The following CLEC9A variants were observed in gnomAD, a reference collection of about 807,000 sequenced individuals.
CLEC9A encodes the protein C-type lectin domain containing 9A.
CLEC9A carries 24 observed loss-of-function variants against 30.0 expected under a neutral mutation model. That is an observed-to-expected ratio of 0.80 (90% CI 0.58 to 1.13). The LOEUF is 1.13. Ranked by LOEUF, CLEC9A falls within the 50% of genes most tolerant of loss-of-function variation. The probability of loss-of-function intolerance (pLI) is 0.00; values close to 1 mark genes in which losing one functional copy is unlikely to be tolerated. For missense variants in CLEC9A, 251 were observed against 280.9 expected (o/e 0.89, Z 0.76); for synonymous variants, 111 against 96.8 (o/e 1.15, Z -0.86).
At chr12:10,044,988 C>G (rs778897395) in intron 2 of CLEC9A, among the ~76,000 whole-genome samples, 32 of 152,204 alleles carry the variant, frequency 2.1e-4, no homozygotes, top group Non-Finnish European at 3.7e-4. Context: ...ATACAGCATG[C>G]TGTCTTAGAT....
chr12:10,060,022 G>A (rs1019363799), intron 5 of CLEC9A, among the ~76,000 whole-genome samples: 1 of 152,218 alleles, frequency 6.6e-6, no homozygotes, highest in Non-Finnish European at 1.5e-5. Flanking sequence ...TACATAATCA[G>A]CATGGCTAAA....
At chr12:10,051,879 T>A (rs10505750) in intron 2 of CLEC9A, 112 bp from the exon 3 acceptor site, 1 of 152,186 alleles carries the variant, frequency 6.6e-6, no homozygotes, top group African/African-American at 2.4e-5. Flanking sequence ...AGCTCAAACC[T>A]TATGTCCAAA....
In CLEC9A at chr12:10,052,715, C is replaced by T; in HGVS notation, c.28C>T (p.Leu10Phe). 2 of 1,614,014 alleles carry T rather than the reference C, an allele frequency of 1.2e-6. No individual in the cohort carries two copies. Among genetic ancestry groups the T allele is most frequent in the South Asian group, 1.1e-5 (1 of 91,080 alleles). ...GCACGAGGAAGAAATATACACCTCT[C>T]TTCAGTGGGATAGCCCAGCACCAGA... MHEEEIYTS[L>F]QWDSPAPDTY... The change falls in exon 4 of 9, where the codon CTT (leucine) becomes TTT (phenylalanine). Residue 10 changes from leucine (L) to phenylalanine (F), a missense_variant. Leu to Phe is a conservative substitution (Grantham distance 22, BLOSUM62 0). Transcript: ENST00000355819.
chr12:10,046,502 A>G (rs2089700099), intron 2 of CLEC9A, among the ~76,000 whole-genome samples: 1 of 152,252 alleles, frequency 6.6e-6, no homozygotes, highest in South Asian at 2.1e-4. Context: ...TGCTTTATTT[A>G]GGTCTTTTCC....
intron 5 of CLEC9A, among the ~76,000 whole-genome samples, chr12:10,057,604 AT>A (rs1865954378): frequency 6.6e-6 from 1 of 151,894 alleles, no homozygotes; most frequent in Non-Finnish European, 1.5e-5. Flanking sequence ...GTTATGCAAT[AT>A]TTTCTCACGA....
chr12:10,052,014 T>C lies in CLEC9A; in HGVS notation c.-139T>C, dbSNP rs530141005. The C allele has an allele frequency of 6.6e-6, 1 of 152,350 alleles. No individual in the cohort carries two copies. The highest frequency in any genetic ancestry group is 2.4e-5 in the African/African-American group (1 of 41,588). 9.4% of individuals were successfully genotyped at this position (152,350 alleles called of 1,614,324 possible). A position where few individuals can be genotyped will look rare whatever the true frequency, so the allele number is the denominator to read the frequency against. On this transcript the variant is annotated 5_prime_UTR_variant, in exon 3 of 9. It removes an upstream start codon present in the reference 5' UTR. Coordinates refer to ENST00000355819, the MANE Select transcript of CLEC9A (RefSeq NM_207345.4). The stretch of plus-strand genomic sequence containing the variant: ...AGTGGATAGAAGTCAAGGGCTCCAA[T>C]GTCTCCCAAGACGAAAGAATCCCAA...
chr12:10,045,242 C>T (rs933787147), intron 2 of CLEC9A, among the ~76,000 whole-genome samples: 4 of 152,134 alleles, frequency 2.6e-5, no homozygotes, highest in East Asian at 1.9e-4. Flanking sequence ...CTTTGGGGCT[C>T]CTATTGTACT....
chr12:10,054,445 G>A, intron 5 of CLEC9A, 94 bp downstream of exon 5: 1 of 778,188 alleles, frequency 1.3e-6, no homozygotes, highest in East Asian at 2.8e-5. Flanking sequence ...ATATGTGAAT[G>A]CACATAAATG....
Position 10,052,654 on chromosome 12 carries a change from G to C in CLEC9A, c.-34G>C. 1 of 1,611,278 alleles carries C rather than the reference G, an allele frequency of 6.2e-7. No individual in the cohort carries two copies. The highest frequency in any genetic ancestry group is 8.5e-7 in the Non-Finnish European group (1 of 1,178,676). ...GAGGAGTTACTTGTTCCAGCCTCCT[G>C]TGTGGACTGCTTTCCTATCAAAGCA... is the stretch of plus-strand genomic sequence containing the variant. On this transcript the variant is annotated 5_prime_UTR_variant, in exon 4 of 9. Coordinates refer to ENST00000355819, the MANE Select transcript of CLEC9A (RefSeq NM_207345.4).
chr12:10,061,955 T>C (rs1007514376), intron 6 of CLEC9A, among the ~76,000 whole-genome samples: 1 of 152,216 alleles, frequency 6.6e-6, no homozygotes, highest in African/African-American at 2.4e-5. Context: ...ACATCAACCA[T>C]AGTTCCTTCT....
Position 10,065,619 on chromosome 12 carries a change from G to A in CLEC9A, c.713G>A (p.Arg238Lys), listed in dbSNP as rs140422016. ...KYFICEKYALRSSV is the reference protein window; with the variant it reads ...KYFICEKYALKSSV ...TTTATCTGTGAGAAGTATGCGTTGA[G>A]ATCCTCTGTCTGAAAGAAATTGTGT... Residue 238 changes from arginine to lysine, a missense_variant, in exon 9 of 9, where the codon AGA becomes AAA. Transcript: ENST00000355819. 3.6e-4 allele frequency: 584 copies of A among 1,613,602 alleles called. 4 individuals are homozygous for A. In the African/African-American group the frequency reaches 6.5e-3, roughly 18 times the overall value.
intron 5 of CLEC9A, among the ~76,000 whole-genome samples, chr12:10,057,862 T>G (rs542916954): frequency 6.6e-6 from 1 of 152,284 alleles, no homozygotes; most frequent in East Asian, 1.9e-4. Context: ...TTAAAAAATC[T>G]ATAGTTCAAA....
intron 1 of CLEC9A, among the ~76,000 whole-genome samples, chr12:10,038,906 G>A (rs1865766944): frequency 6.6e-6 from 1 of 152,246 alleles, no homozygotes; most frequent in African/African-American, 2.4e-5. Flanking sequence ...AGCTTGGAGA[G>A]GTAAAGTCCA....
In CLEC9A at chr12:10,033,382, T is replaced by C. The variant is rs76876271; in HGVS notation, c.-318+2410T>C. ...AACCTCATGACTTAATAGCCATACA[T>C]TGATAATGTCCAAAATTATATTTCC... is the stretch of plus-strand genomic sequence containing the variant. On this transcript the variant is annotated intron_variant, in intron 1 of 8. Coordinates refer to ENST00000355819, the MANE Select transcript of CLEC9A (RefSeq NM_207345.4). 8.1e-3 allele frequency among the ~76,000 whole-genome samples: 1,237 copies of C among 152,142 alleles called. 14 individuals are homozygous for C. The highest frequency in any genetic ancestry group is 0.028 in the African/African-American group (1,181 of 41,508).
Position 10,054,178 on chromosome 12 carries a change from A to G in CLEC9A, c.92-93A>G, listed in dbSNP as rs1031631988. 6.0e-6 allele frequency: 6 copies of G among 1,006,262 alleles called. No homozygotes were observed. In the African/African-American group the frequency reaches 9.7e-5, roughly 16 times the overall value. 62.3% of individuals were successfully genotyped at this position (1,006,262 alleles called of 1,614,324 possible). A position where few individuals can be genotyped will look rare whatever the true frequency, so the allele number is the denominator to read the frequency against. On this transcript the variant is annotated intron_variant, in intron 4 of 8. Coordinates refer to ENST00000355819, the MANE Select transcript of CLEC9A (RefSeq NM_207345.4). ...ACTCTCAGTAGAAATGCCAATGTTA[A>G]TTCCTTCTTTTACTCAATCTCAATC...
chr12:10,063,057 C>T lies in CLEC9A; in HGVS notation c.322C>T (p.His108Tyr). Residue 108 changes from histidine to tyrosine, a missense_variant and splice_region_variant, in exon 7 of 9, where the codon CAT (histidine) becomes TAT (tyrosine). Transcript: ENST00000355819. ...AAGTAAAATGTTTATATTCAAAGCC[C>T]ATAACAGCAGTCCTTGTCCAAACAA... ...AFMQNSLSSA[H>Y]NSSPCPNNWI... 6.3e-7 allele frequency: 1 copy of T among 1,592,834 alleles called. No homozygotes were observed. The highest frequency in any genetic ancestry group is 1.1e-5 in the South Asian group (1 of 87,080).
chr12:10,036,812 A>G (rs1220094136), intron 1 of CLEC9A, among the ~76,000 whole-genome samples: 1 of 152,236 alleles, frequency 6.6e-6, no homozygotes, highest in African/African-American at 2.4e-5. Context: ...AAGAAATACC[A>G]TGATTTAAAA....
At position 10,061,143 on chromosome 12, in the gene CLEC9A, C is replaced by T; in HGVS notation, c.189C>T (p.Thr63=). Reference sequence around the variant, plus strand: ...CATGTGAAGTGTTGCAGGTGTCCACCATTGCGATGCAGCAGCAAGAAAAAC... The same window carrying T: ...CATGTGAAGTGTTGCAGGTGTCCACTATTGCGATGCAGCAGCAAGAAAAAC... The part of the protein sequence containing the change: ...FLGVKLLQVS[T]IAMQQQEKLI... The change falls in exon 6 of 9, where the codon ACC becomes ACT. Residue 63 remains threonine (T), a synonymous_variant. Transcript: ENST00000355819. 1 of 1,610,294 alleles carries T rather than the reference C, an allele frequency of 6.2e-7. No individual in the cohort carries two copies. Among genetic ancestry groups the T allele is most frequent in the Non-Finnish European group, 8.5e-7 (1 of 1,178,752 alleles).
intron 1 of CLEC9A, among the ~76,000 whole-genome samples, chr12:10,039,798 A>C (rs1412940021): frequency 1.3e-5 from 2 of 152,116 alleles, no homozygotes; most frequent in Admixed American, 6.5e-5. Flanking sequence ...TTATTTACCT[A>C]ATTATCACAA....
Sources: allele counts gnomAD v4.1 joint callset (sites outside exome capture counted in the v4.1 genomes callset), GRCh38; gene constraint gnomAD v4.1.1; transcripts MANE v1.5; gene names NCBI Gene and HGNC (gene_info 2026-07-23, HGNC 2026-07-21).